CACNA2D3: variants seen among roughly 807,000 people sequenced by gnomAD.
CACNA2D3 encodes voltage-dependent calcium channel subunit alpha-2/delta-3.
Under a neutral mutation model 160.6 loss-of-function variants are expected in CACNA2D3, and 60 were observed. The observed-to-expected ratio is 0.37, with a 90% CI of 0.30 to 0.46. The LOEUF is 0.46. CACNA2D3 is among the 20% of genes least tolerant of loss of function. The pLI, the probability that CACNA2D3 is intolerant of heterozygous loss-of-function variation, is 1.00. For synonymous variants in CACNA2D3, 558 were observed against 492.9 expected (o/e 1.13, Z -1.75); for missense variants, 1,205 against 1,365.0 (o/e 0.88, Z 1.85).
chr3:54,681,490 A>T, intron 11 of CACNA2D3, among the ~76,000 whole-genome samples: 1 of 138,244 alleles, frequency 7.2e-6, no homozygotes, highest in Non-Finnish European at 1.5e-5. Flanking sequence ...CAGGAGGCGG[A>T]GGTTGTAGTG....
chr3:54,767,419 C>A (rs1166140136), intron 13 of CACNA2D3, among the ~76,000 whole-genome samples: 1 of 152,138 alleles, frequency 6.6e-6, no homozygotes, highest in African/African-American at 2.4e-5. Flanking sequence ...TACAGCAATT[C>A]TGAATCCATT....
At chr3:54,367,340 C>T (rs556463777) in intron 3 of CACNA2D3, among the ~76,000 whole-genome samples, 3 of 152,156 alleles carry the variant, frequency 2.0e-5, no homozygotes, top group African/African-American at 4.8e-5. Context: ...CTCCTAGCCC[C>T]GTTATGAGTA....
chr3:54,446,583 C>CT (rs1356401676), intron 4 of CACNA2D3, among the ~76,000 whole-genome samples: 3 of 152,016 alleles, frequency 2.0e-5, no homozygotes, highest in Non-Finnish European at 4.4e-5. Context: ...ATCATTTTTG[C>CT]TTTTTTTGTG....
chr3:54,408,047 T>C (rs1699606418), intron 4 of CACNA2D3, among the ~76,000 whole-genome samples: 2 of 152,190 alleles, frequency 1.3e-5, no homozygotes, highest in South Asian at 4.1e-4. Context: ...AGAGATGCTG[T>C]CTTTCTTCTC....
At chr3:54,666,060 G>T (rs1184601470) in intron 11 of CACNA2D3, among the ~76,000 whole-genome samples, 1 of 152,090 alleles carries the variant, frequency 6.6e-6, no homozygotes, top group Non-Finnish European at 1.5e-5. Context: ...GGTATAGATG[G>T]AATAGAACTA....
At chr3:54,375,092 G>A (rs879689327) in intron 3 of CACNA2D3, among the ~76,000 whole-genome samples, 1 of 152,082 alleles carries the variant, frequency 6.6e-6, no homozygotes, top group African/African-American at 2.4e-5. Flanking sequence ...TGTCTTTCAG[G>A]TCTCAGTGTA....
chr3:54,253,294 G>A (rs1384577981), intron 2 of CACNA2D3, among the ~76,000 whole-genome samples: 1 of 152,088 alleles, frequency 6.6e-6, no homozygotes, highest in East Asian at 1.9e-4. Flanking sequence ...AAGAAAAGAG[G>A]TTTAATCGGC....
At chr3:54,842,005 A>G (rs1698830126) in intron 16 of CACNA2D3, among the ~76,000 whole-genome samples, 1 of 152,224 alleles carries the variant, frequency 6.6e-6, no homozygotes, top group South Asian at 2.1e-4. Flanking sequence ...GACTGGTTCT[A>G]TTTTGGATAA....
chr3:54,799,935 G>A (rs567653244), intron 13 of CACNA2D3, among the ~76,000 whole-genome samples: 1 of 152,226 alleles, frequency 6.6e-6, no homozygotes, highest in Admixed American at 6.5e-5. Context: ...TAACTTTCTC[G>A]GCATAGTGTT....
intron 9 of CACNA2D3, among the ~76,000 whole-genome samples, chr3:54,588,106 A>G (rs1331230953): frequency 6.6e-6 from 1 of 152,228 alleles, no homozygotes; most frequent in Non-Finnish European, 1.5e-5. Flanking sequence ...ATAAAAAATA[A>G]TATGCTACCT....
At chr3:54,570,245 CAG>C in intron 8 of CACNA2D3, 141 bp downstream of exon 8, 1 of 904,196 alleles carries the variant, frequency 1.1e-6, no homozygotes, top group Admixed American at 2.2e-5. Flanking sequence ...TGAAAGTTGA[CAG>C]AGTCATGGAC....
intron 11 of CACNA2D3, among the ~76,000 whole-genome samples, chr3:54,741,353 C>A (rs1701643777): frequency 6.6e-6 from 1 of 152,218 alleles, no homozygotes; most frequent in Admixed American, 6.5e-5. Context: ...TTAATCCTCC[C>A]TGCCCCTCAA....
intron 2 of CACNA2D3, among the ~76,000 whole-genome samples, chr3:54,299,859 G>A (rs1370201267): frequency 6.6e-6 from 1 of 152,216 alleles, no homozygotes; most frequent in African/African-American, 2.4e-5. Flanking sequence ...TTTGGTAATT[G>A]AAACCTGTAA....
rs1055314032 is a variant in CACNA2D3 at position 54,925,218 on chromosome 3, A to G, written c.2449+25350A>G. 4.4e-6 allele frequency: 7 copies of G among 1,604,520 alleles called. No homozygotes were observed. In the East Asian group the frequency reaches 9.0e-5, roughly 21 times the overall value. On this transcript the variant is annotated intron_variant, in intron 27 of 37. Coordinates refer to ENST00000474759, the MANE Select transcript of CACNA2D3 (RefSeq NM_018398.3). ...ACTGGAAAACAGGAGCAGTTCACCT[A>G]CAACAAACAGAAAGAAATTGGGATA...
chr3:54,681,238 G>C (rs1700342401), intron 11 of CACNA2D3, among the ~76,000 whole-genome samples: 1 of 151,658 alleles, frequency 6.6e-6, no homozygotes, highest in East Asian at 1.9e-4. Flanking sequence ...GTCATGTATG[G>C]ATAGAAAGAA....
intron 2 of CACNA2D3, among the ~76,000 whole-genome samples, chr3:54,277,826 C>T (rs1702781906): frequency 6.6e-6 from 1 of 152,112 alleles, no homozygotes; most frequent in Admixed American, 6.5e-5. Context: ...TGTAATTCTC[C>T]TTGAAGAGGT....
chr3:54,893,285 C>CT (rs34139668), intron 25 of CACNA2D3, among the ~76,000 whole-genome samples: 201 of 146,102 alleles, frequency 1.4e-3, no homozygotes, highest in East Asian at 1.8e-3. Flanking sequence ...CAAAAAAACT[C>CT]TTTTTTTTTT....
rs544545422 is a variant in CACNA2D3 at position 54,815,487 on chromosome 3, T to C, written c.1381-1366T>C. Among the ~76,000 whole-genome samples the C allele has an allele frequency of 2.0e-5, 3 of 152,290 alleles. No homozygotes were observed. In the South Asian group the frequency reaches 6.2e-4, roughly 32 times the overall value. On this transcript the variant is annotated intron_variant, in intron 13 of 37. Transcript: ENST00000474759. ...TCCCAGAGTAAAAAGAATGGGAAAG[T>C]CTGATGATTCAAGTGGAGACCTTAA...
At chr3:54,504,966 A>G (rs546679059) in intron 5 of CACNA2D3, among the ~76,000 whole-genome samples, 1 of 152,364 alleles carries the variant, frequency 6.6e-6, no homozygotes, top group South Asian at 2.1e-4. Flanking sequence ...ATTGGAAAAT[A>G]ACGTGAATAC....
Sources: gnomAD v4.1 joint callset for allele counts (sites outside exome capture counted in the v4.1 genomes callset) on GRCh38, gnomAD v4.1.1 for gene constraint, MANE v1.5 for transcripts, NCBI Gene and HGNC (gene_info 2026-07-23, HGNC 2026-07-21) for gene names.